The following CENPE variants were observed in gnomAD, a reference collection of about 807,000 sequenced individuals.
CENPE encodes centromere-associated protein E.
Under a neutral mutation model 336.1 loss-of-function variants are expected in CENPE, and 145 were observed. That is an observed-to-expected ratio of 0.43 (90% CI 0.38 to 0.50). The LOEUF (loss-of-function observed/expected upper bound fraction) is 0.50. Among genes scored for constraint, CENPE ranks in the 20% least tolerant of loss-of-function variants. The pLI, the probability that CENPE is intolerant of heterozygous loss-of-function variation, is 0.00. For missense variants in CENPE, 2,719 were observed against 3,023.3 expected (o/e 0.90, Z 2.36); for synonymous variants, 1,013 against 984.8 (o/e 1.03, Z -0.54).
At chr4:103,155,783 G>T (rs1753914926) in intron 24 of CENPE, among the ~76,000 whole-genome samples, 1 of 152,034 alleles carries the variant, frequency 6.6e-6, no homozygotes, top group Admixed American at 6.6e-5. Context: ...GAGTAAATGG[G>T]GGAAAATGCA....
chr4:103,170,223 T>G (rs913948346), intron 16 of CENPE, among the ~76,000 whole-genome samples: 1 of 152,112 alleles, frequency 6.6e-6, no homozygotes, highest in Non-Finnish European at 1.5e-5. Flanking sequence ...ACATGGCACA[T>G]GTATACCTAT....
rs772841784 is a variant in CENPE at position 103,106,282 on chromosome 4, A to G, written c.8046T>C (p.Ser2682=). The stretch of plus-strand genomic sequence containing the variant: ...AGGAGGCGTGCCAAGGACCTGGCTG[A>G]GAATCCACACTCTCTGCTCCTGCAT... ...VQNAGAESVD[S]QPGPWHASSG... Residue 2682 remains serine (S), a synonymous_variant, in exon 49 of 49, where the codon TCT becomes TCC. Coordinates refer to ENST00000265148, the MANE Select transcript of CENPE (RefSeq NM_001813.3). 3.7e-6 allele frequency: 6 copies of G among 1,602,742 alleles called. No individual in the cohort carries two copies. Among genetic ancestry groups the G allele is most frequent in the Non-Finnish European group, 5.1e-6 (6 of 1,173,746 alleles).
rs1442305419 is a variant in CENPE at position 103,140,414 on chromosome 4, C to A, written c.5755G>T (p.Asp1919Tyr). The change falls in exon 37 of 49, where the codon GAT (aspartate) becomes TAT (tyrosine). Residue 1919 changes from aspartate (D) to tyrosine (Y), a missense_variant and splice_region_variant. Physicochemically the swap from Asp to Tyr is radical, Grantham distance 160 (BLOSUM62 -3). Around this residue, in one of 5 missense-constraint regions of CENPE, gnomAD observed 2,437 missense variants for 2,513.3 expected, o/e 0.97. Transcript: ENST00000265148. The part of the protein sequence containing the change: ...KESLQETKAR[D>Y]LEIQQELKTA... ...TTTAGTTCCTGTTGTATTTCCAGAT[C>A]CTTTATGGTTAGAAGAAATCAAGAA... The A allele has an allele frequency of 6.4e-7, 1 of 1,572,058 alleles. No homozygotes were observed. The highest frequency in any genetic ancestry group is 8.6e-7 in the Non-Finnish European group (1 of 1,160,986).
rs1386238888 is a variant in CENPE, at chr4:103,144,632, A to T, written c.4858-14T>A. 4 of 1,577,080 alleles carry T rather than the reference A, an allele frequency of 2.5e-6. No individual in the cohort carries two copies. In the Admixed American group the frequency reaches 7.2e-5, roughly 29 times the overall value. ...AGATTCTTTCATCTGAGAAAATTAT[A>T]AAGTAAGTTACAACATAGGCAGAAT... On this transcript the variant is annotated splice_polypyrimidine_tract_variant and intron_variant, in intron 32 of 48. Coordinates refer to ENST00000265148, the MANE Select transcript of CENPE (RefSeq NM_001813.3).
At chr4:103,176,769 C>G (rs1755904832) in intron 14 of CENPE, 130 bp downstream of exon 14, 2 of 658,958 alleles carry the variant, frequency 3.0e-6, no homozygotes, top group Non-Finnish European at 4.6e-6. Context: ...ATCATAGTCT[C>G]CATTGTAATC....
Position 103,166,538 on chromosome 4 carries a change from T to C in CENPE, c.1648-2985A>G, listed in dbSNP as rs551266392. On this transcript the variant is annotated intron_variant, in intron 16 of 48. Transcript: ENST00000265148. ...TTTACCTCTTTGAATATAGTACCTATGAAATAAAGCAATAATTTTAATTTG... is the reference window on the plus strand; with the variant it reads ...TTTACCTCTTTGAATATAGTACCTACGAAATAAAGCAATAATTTTAATTTG... Among the ~76,000 whole-genome samples the C allele has an allele frequency of 2.6e-5, 4 of 152,320 alleles. No individual in the cohort carries two copies. The East Asian group carries it at 5.8e-4, about 22-fold the overall frequency.
intron 24 of CENPE, among the ~76,000 whole-genome samples, chr4:103,156,778 C>G (rs949160948): frequency 6.6e-6 from 1 of 151,822 alleles, no homozygotes; most frequent in Non-Finnish European, 1.5e-5. Context: ...ATACAATCAA[C>G]AGAGTAAAAA....
rs148132806 is a variant in CENPE at position 103,182,242 on chromosome 4, C to T, written c.963+520G>A. Among the ~76,000 whole-genome samples the T allele has an allele frequency of 1.7e-3, 253 of 152,318 alleles. 3 individuals carry two copies. The highest frequency in any genetic ancestry group is 5.7e-3 in the African/African-American group (237 of 41,574). ...CAGTAGCTGGGATTACAGGCATGTGCTACCACATCTGGCTAATTTTGTATT... is the reference window on the plus strand; with the variant it reads ...CAGTAGCTGGGATTACAGGCATGTGTTACCACATCTGGCTAATTTTGTATT... On this transcript the variant is annotated intron_variant, in intron 11 of 48. Transcript: ENST00000265148.
chr4:103,135,862 C>T (rs1284008715), intron 40 of CENPE, among the ~76,000 whole-genome samples: 3 of 152,146 alleles, frequency 2.0e-5, no homozygotes, highest in African/African-American at 7.2e-5. Flanking sequence ...TATCATTGCA[C>T]TTAATACTTG....
Position 103,108,417 on chromosome 4 carries a change from T to C in CENPE, c.8011+386A>G, listed in dbSNP as rs150034066. On this transcript the variant is annotated intron_variant, in intron 48 of 48. Transcript: ENST00000265148. ...TTGACTGAATAAATGAATAAGTAAATGATTCATCTATTATCTGGCTTGGGT... is the reference window on the plus strand; with the variant it reads ...TTGACTGAATAAATGAATAAGTAAACGATTCATCTATTATCTGGCTTGGGT... Among the ~76,000 whole-genome samples, 1,502 of 152,240 alleles carry C rather than the reference T, an allele frequency of 9.9e-3. 31 individuals are homozygous for C. Among genetic ancestry groups the C allele is most frequent in the African/African-American group, 0.035 (1,434 of 41,530 alleles).
intron 26 of CENPE, 77 bp downstream of exon 26, chr4:103,151,142 G>A: frequency 7.6e-7 from 1 of 1,320,814 alleles, no homozygotes; most frequent in Non-Finnish European, 1.1e-6. Context: ...TCTGGATTTA[G>A]GTCTACAGAA....
At chr4:103,107,119 T>C (rs899374636) in intron 48 of CENPE, among the ~76,000 whole-genome samples, 1 of 152,224 alleles carries the variant, frequency 6.6e-6, no homozygotes, top group Non-Finnish European at 1.5e-5. Context: ...GTAGCTAGCA[T>C]GCACCTGTAG....
chr4:103,141,530 C>A (rs887969311), intron 35 of CENPE, among the ~76,000 whole-genome samples: 2 of 152,056 alleles, frequency 1.3e-5, no homozygotes, highest in African/African-American at 4.8e-5. Flanking sequence ...AATAAGGCTG[C>A]TATAAACATT....
rs768323525 is a variant in CENPE at position 103,116,659 on chromosome 4, T to C, written c.7360A>G (p.Lys2454Glu). 2 of 1,592,004 alleles carry C rather than the reference T, an allele frequency of 1.3e-6. No individual in the cohort carries two copies. Among genetic ancestry groups the C allele is most frequent in the Non-Finnish European group, 1.7e-6 (2 of 1,171,968 alleles). The change falls in exon 45 of 49, where the codon AAA (lysine) becomes GAA (glutamate). Residue 2454 changes from lysine (K) to glutamate (E), a missense_variant. By Grantham distance (56) the Lys-to-Glu change is moderately conservative. Transcript: ENST00000265148. ...ATTTTGAGATCTTCAATTTCTTCTT[T>C]ATATGGCTTAGCTCCTAAAGCAACT... is the stretch of plus-strand genomic sequence containing the variant. ...DKVALGAKPYKEEIEDLKMKL... is the reference protein window; with the variant it reads ...DKVALGAKPYEEEIEDLKMKL...
At chr4:103,171,408 T>G (rs757628933) in intron 16 of CENPE, among the ~76,000 whole-genome samples, 1 of 151,918 alleles carries the variant, frequency 6.6e-6, no homozygotes, top group Non-Finnish European at 1.5e-5. Flanking sequence ...TTAAACACGC[T>G]CCTGAACAAC....
Position 103,116,632 on chromosome 4 carries a change from T to G in CENPE, c.7387A>C (p.Lys2463Gln), listed in dbSNP as rs1750136932. The change falls in exon 45 of 49, where the codon AAG becomes CAG. Residue 2463 changes from lysine to glutamine, a missense_variant. This residue lies in a region of CENPE where 2,437 missense variants were observed against 2,513.3 expected (regional missense o/e 0.97). Coordinates refer to ENST00000265148, the MANE Select transcript of CENPE (RefSeq NM_001813.3). ...YKEEIEDLKMKLVKIDLEKMK... is the reference protein window; with the variant it reads ...YKEEIEDLKMQLVKIDLEKMK... Reference sequence around the variant, plus strand: ...TTCTCTAGGTCTATTTTCACAAGCTTCATTTTGAGATCTTCAATTTCTTCT... The same window carrying G: ...TTCTCTAGGTCTATTTTCACAAGCTGCATTTTGAGATCTTCAATTTCTTCT... 2 of 1,596,200 alleles carry G rather than the reference T, an allele frequency of 1.3e-6. No individual in the cohort carries two copies. The highest frequency in any genetic ancestry group is 1.7e-6 in the Non-Finnish European group (2 of 1,173,828).
intron 17 of CENPE, 93 bp downstream of exon 17, chr4:103,163,386 T>C: frequency 1.6e-6 from 2 of 1,249,806 alleles, no homozygotes; most frequent in Admixed American, 4.3e-5. Context: ...AAAAACATAA[T>C]TCCCTTATTT....
At position 103,126,897 on chromosome 4, in the gene CENPE, G is replaced by GA. The variant is rs553911862; in HGVS notation, c.6925-3809dup. The stretch of plus-strand genomic sequence containing the variant: ...CTGAAAAGCAAAGAGTAAAAAGACT[G>GA]AAAAAATCCCTAAACAACATCCTAG... On this transcript the variant is annotated intron_variant, in intron 42 of 48. Transcript: ENST00000265148. Among the ~76,000 whole-genome samples, 3 of 151,912 alleles carry GA rather than the reference G, an allele frequency of 2.0e-5. No individual in the cohort carries two copies. In the East Asian group the frequency reaches 5.8e-4, roughly 29 times the overall value.
chr4:103,163,298 T>G, intron 17 of CENPE, 42 bp from the exon 18 acceptor site: 2 of 1,566,338 alleles, frequency 1.3e-6, no homozygotes, highest in Non-Finnish European at 1.7e-6. Flanking sequence ...AGAATCTGAT[T>G]TGAAGTCTAA....
Sources: allele counts gnomAD v4.1 joint callset (sites outside exome capture counted in the v4.1 genomes callset), GRCh38; gene constraint gnomAD v4.1.1; regional missense constraint gnomAD v4.1.1; transcripts MANE v1.5; gene names NCBI Gene and HGNC (gene_info 2026-07-23, HGNC 2026-07-21).